KLHL33: variants seen among roughly 807,000 people sequenced by gnomAD.
KLHL33 encodes the protein kelch like family member 33, also known as kelch-like protein 33.
A neutral mutation model predicts 60.8 loss-of-function variants in KLHL33; 46 were observed. That is an observed-to-expected ratio of 0.76 (90% confidence interval 0.60 to 0.97). KLHL33 has a LOEUF of 0.97. Ranked by LOEUF, KLHL33 falls within the 50% of genes least tolerant of loss-of-function variation. The pLI is 0.00. For synonymous variants in KLHL33, 434 were observed against 432.2 expected (o/e 1.00, Z -0.05); for missense variants, 1,055 against 1,000.0 (o/e 1.05, Z -0.74).
At position 20,428,600 on chromosome 14, in the gene KLHL33, G is replaced by A. The variant is rs1032144364; in HGVS notation, c.*249C>T. On this transcript the variant is annotated 3_prime_UTR_variant, in exon 5 of 5. Coordinates refer to ENST00000636854, the MANE Select transcript of KLHL33 (RefSeq NM_001365790.2). ...TCCCTAAGAATCCCTAAGCCTTGTG[G>A]AGTTGCTCCCGAGTCTCCTTTCCTC... is the stretch of plus-strand genomic sequence containing the variant. 3 of 481,286 alleles carry A rather than the reference G, an allele frequency of 6.2e-6. No homozygotes were observed. The allele number at this position is 481,286 out of a possible 1,614,324, so 29.8% of individuals were successfully genotyped here.
In KLHL33 at chr14:20,435,046, T is replaced by C. The variant is rs1880640258; in HGVS notation, c.748+18A>G. On this transcript the variant is annotated intron_variant, in intron 2 of 4. Coordinates refer to ENST00000636854, the MANE Select transcript of KLHL33 (RefSeq NM_001365790.2). ...AGCATATGCACCTGCAGTAATTTAA[T>C]GCCCCACAGGCCCTCACCCGACAGC... The C allele has an allele frequency of 8.1e-7, 1 of 1,234,290 alleles. No homozygotes were observed. The highest frequency in any genetic ancestry group is 1.5e-5 in the African/African-American group (1 of 64,630). 76.5% of individuals were successfully genotyped at this position (1,234,290 alleles called of 1,614,324 possible).
chr14:20,431,454 T>G (rs915589767), intron 2 of KLHL33, among the ~76,000 whole-genome samples: 15 of 152,140 alleles, frequency 9.9e-5, no homozygotes, highest in African/African-American at 3.6e-4. Flanking sequence ...TGGTTGGGTG[T>G]CGTGGCACAC....
At position 20,428,924 on chromosome 14, in the gene KLHL33, G is replaced by C; in HGVS notation, c.2319C>G (p.Ala773=). 1.3e-6 allele frequency: 2 copies of C among 1,550,888 alleles called. No individual in the cohort carries two copies. The highest frequency in any genetic ancestry group is 2.4e-5 in the South Asian group (2 of 84,042). ...TLPRPRAEMP[A]CILTLPAVQH... is the part of the protein sequence containing the mutation. ...GCACAGCGGGCAGTGTCAGGATGCA[G>C]GCAGGCATCTCAGCCCGAGGCCTTG... is the stretch of plus-strand genomic sequence containing the variant. Residue 773 remains alanine, a synonymous_variant, in exon 5 of 5, where the codon GCC becomes GCG. Transcript: ENST00000636854.
chr14:20,430,292 G>A lies in KLHL33; in HGVS notation c.1176C>T (p.Leu392=), dbSNP rs990269443. ...CLAELLDSDE[L]HVQEEFEAFV... ...AGGCCTCAAACTCCTCCTGCACATG[G>A]AGCTCATCACTATCCAGGAGCTCAG... Residue 392 remains leucine (L), a synonymous_variant, in exon 3 of 5, where the codon CTC becomes CTT. Coordinates refer to ENST00000636854, the MANE Select transcript of KLHL33 (RefSeq NM_001365790.2). 6.4e-6 allele frequency: 10 copies of A among 1,551,650 alleles called. No individual in the cohort carries two copies. Among genetic ancestry groups the A allele is most frequent in the Non-Finnish European group, 7.8e-6 (9 of 1,147,006 alleles).
rs1880337065 is a variant in KLHL33 at position 20,427,741 on chromosome 14, C to A, written c.*1108G>T. 1 of 152,058 alleles carries A rather than the reference C, an allele frequency of 6.6e-6. No individual in the cohort carries two copies. The highest frequency in any genetic ancestry group is 1.9e-4 in the East Asian group (1 of 5,174). 9.4% of individuals were successfully genotyped at this position (152,058 alleles called of 1,614,324 possible). On this transcript the variant is annotated 3_prime_UTR_variant, in exon 5 of 5. Coordinates refer to ENST00000636854, the MANE Select transcript of KLHL33 (RefSeq NM_001365790.2). ...TGTATCTTGGTGCCTCCTACAGTGC[C>A]TGCCACACAGTAGGTAATTAATAAC...
At position 20,430,710 on chromosome 14, in the gene KLHL33, G is replaced by A; in HGVS notation, c.758C>T (p.Ala253Val). The A allele has an allele frequency of 6.6e-7, 1 of 1,516,886 alleles. No homozygotes were observed. Among genetic ancestry groups the A allele is most frequent in the Non-Finnish European group, 8.8e-7 (1 of 1,136,678 alleles). 94.0% of individuals were successfully genotyped at this position (1,516,886 alleles called of 1,614,324 possible). A position where few individuals can be genotyped will look rare whatever the true frequency, so the allele number is the denominator to read the frequency against. ...AGGCQLSVHR[A>V]ALACGSEFFG... ...GAACTCACTGCCACAGGCCAGGGCG[G>A]CTCGGTGCACTGCAGGAGGGGAGAA... The change falls in exon 3 of 5, where the codon GCC (alanine) becomes GTC (valine). Residue 253 changes from alanine (A) to valine (V), a missense_variant. Transcript: ENST00000636854.
Position 20,428,695 on chromosome 14 carries a change from C to G in KLHL33, c.*154G>C. 2 of 709,080 alleles carry G rather than the reference C, an allele frequency of 2.8e-6. No homozygotes were observed. The highest frequency in any genetic ancestry group is 4.7e-6 in the Non-Finnish European group (2 of 428,848). The allele number at this position is 709,080 out of a possible 1,614,324, so 43.9% of individuals were successfully genotyped here. On this transcript the variant is annotated 3_prime_UTR_variant, in exon 5 of 5. Coordinates refer to ENST00000636854, the MANE Select transcript of KLHL33 (RefSeq NM_001365790.2). ...AGGAGTTCTGGAACCACCATTTCCT[C>G]AACGGAGATCATACGTACAAAAGCA... is the stretch of plus-strand genomic sequence containing the variant.
Position 20,435,251 on chromosome 14 carries a change from C to T in KLHL33, c.561G>A (p.Ala187=). Residue 187 remains alanine (A), a synonymous_variant, in exon 2 of 5, where the codon GCG becomes GCA. Transcript: ENST00000636854. ...CAGCCTTCACCCGGGGCGCTCCCAG[C>T]GCCTCTGCTGCGGCCAGCACATCCC... ...SQGDVLAAAE[A]LGAPRVKAAA... is the part of the protein sequence containing the mutation. 1 of 1,234,448 alleles carries T rather than the reference C, an allele frequency of 8.1e-7. No individual in the cohort carries two copies. Among genetic ancestry groups the T allele is most frequent in the Non-Finnish European group, 1.0e-6 (1 of 988,220 alleles). The allele number at this position is 1,234,448 out of a possible 1,614,324, so 76.5% of individuals were successfully genotyped here.
rs746288093 is a variant in KLHL33 at position 20,429,716 on chromosome 14, G to A, written c.1674-47C>T. 335 of 1,537,272 alleles carry A rather than the reference G, an allele frequency of 2.2e-4. 1 individual carries two copies. Among genetic ancestry groups the A allele is most frequent in the Non-Finnish European group, 2.9e-4 (327 of 1,139,210 alleles). ...ATTGGAAGAGGGACTCTGGGCATCCGTGGTTGGCTAGGCCAGCAATTTCTC... is the reference window on the plus strand; with the variant it reads ...ATTGGAAGAGGGACTCTGGGCATCCATGGTTGGCTAGGCCAGCAATTTCTC... On this transcript the variant is annotated intron_variant, in intron 3 of 4. Transcript: ENST00000636854.
In KLHL33 at chr14:20,430,078, C is replaced by G. The variant is rs1016575504; in HGVS notation, c.1390G>C (p.Gly464Arg). Residue 464 changes from glycine (G) to arginine (R), a missense_variant, in exon 3 of 5, where the codon GGC (glycine) becomes CGC (arginine). Transcript: ENST00000636854. ...HQLMVEADVP[G>R]QERRREPDRA... Reference sequence around the variant, plus strand: ...TCAGGCTCCCTCCGTCTCTCTTGGCCTGGAACATCAGCCTCTACCATCAGC... The same window carrying G: ...TCAGGCTCCCTCCGTCTCTCTTGGCGTGGAACATCAGCCTCTACCATCAGC... The G allele has an allele frequency of 5.2e-6, 8 of 1,551,658 alleles. No homozygotes were observed. The highest frequency in any genetic ancestry group is 7.0e-6 in the Non-Finnish European group (8 of 1,147,030).
Position 20,429,145 on chromosome 14 carries a change from C to G in KLHL33, c.2098G>C (p.Glu700Gln). The change falls in exon 5 of 5, where the codon GAG (glutamate) becomes CAG (glutamine). Residue 700 changes from glutamate (E) to glutamine (Q), a missense_variant. Transcript: ENST00000636854. ...CTATCAGTCCTTAGTTCATAGGCCT[C>G]AAAGCTTAGCAGGTCCTCAGTCTCA... ...LGETEDLLSF[E>Q]AYELRTDSWT... is the part of the protein sequence containing the mutation. 1 of 1,551,714 alleles carries G rather than the reference C, an allele frequency of 6.4e-7. No homozygotes were observed. Among genetic ancestry groups the G allele is most frequent in the Non-Finnish European group, 8.7e-7 (1 of 1,147,000 alleles).
At chr14:20,433,127 T>C (rs963845243) in intron 2 of KLHL33, among the ~76,000 whole-genome samples, 3 of 152,196 alleles carry the variant, frequency 2.0e-5, no homozygotes, top group Non-Finnish European at 4.4e-5. Context: ...CAAATACTTA[T>C]GAGTAAAATG....
chr14:20,430,252 A>AC lies in KLHL33; in HGVS notation c.1215dup (p.Cys406ValfsTer56). 1 of 1,551,586 alleles carries AC rather than the reference A, an allele frequency of 6.4e-7. No homozygotes were observed. Among genetic ancestry groups the AC allele is most frequent in the East Asian group, 2.4e-5 (1 of 40,920 alleles). ...GTCTCGGGGTTGGCAGCCAGCCAAC[A>AC]CCGTGCAGCCACAAAGGCCTCAAAC... On this transcript the variant is annotated frameshift_variant, in exon 3 of 5. Coordinates refer to ENST00000636854, the MANE Select transcript of KLHL33 (RefSeq NM_001365790.2). LOFTEE classifies it high-confidence loss of function.
chr14:20,428,793 CCTT>C lies in KLHL33; in HGVS notation c.*53_*55del, dbSNP rs1445079743. On this transcript the variant is annotated 3_prime_UTR_variant, in exon 5 of 5. Transcript: ENST00000636854. ...TCTTTTCACTCCCCACAATCTCTGT[CCTT>C]CTCTCAGGCTATTTCTTATGCCCTC... 4.3e-6 allele frequency: 6 copies of C among 1,406,986 alleles called. No homozygotes were observed. Among genetic ancestry groups the C allele is most frequent in the Non-Finnish European group, 5.8e-6 (6 of 1,033,548 alleles). The allele number at this position is 1,406,986 out of a possible 1,614,324, so 87.2% of individuals were successfully genotyped here. A position where few individuals can be genotyped will look rare whatever the true frequency, so the allele number is the denominator to read the frequency against.
Position 20,430,499 on chromosome 14 carries a change from C to T in KLHL33, c.969G>A (p.Leu323=), listed in dbSNP as rs375147055. 44 of 1,549,666 alleles carry T rather than the reference C, an allele frequency of 2.8e-5. No individual in the cohort carries two copies. The highest frequency in any genetic ancestry group is 1.7e-4 in the Middle Eastern group (1 of 6,014). Residue 323 remains leucine (L), a synonymous_variant, in exon 3 of 5, where the codon TTG becomes TTA. Transcript: ENST00000636854. Reference sequence around the variant, plus strand: ...GTGCCAAGCCTTTCTGACACAAATCCAAGCAGGAAGAGCTCTGGTACTGCA... The same window carrying T: ...GTGCCAAGCCTTTCTGACACAAATCTAAGCAGGAAGAGCTCTGGTACTGCA... ...AALQYQSSSC[L]DLCQKGLARG... is the part of the protein sequence containing the mutation.
intron 2 of KLHL33, among the ~76,000 whole-genome samples, chr14:20,432,264 G>A (rs1056877821): frequency 3.1e-4 from 47 of 151,948 alleles, no homozygotes; most frequent in African/African-American, 1.1e-3. Context: ...ACAGGTGCAC[G>A]CTACCATGCC....
rs2076975233 is a variant in KLHL33, at chr14:20,435,779, A to G, written c.33T>C (p.Pro11=). MSVSDTPHYP[P]ELESVSHPVQ... is the part of the protein sequence containing the mutation. Reference sequence around the variant, plus strand: ...CGGGATGAGAGACACTCTCCAGCTCAGGGGGATAATGTGGGGTGTCCGAGA... The same window carrying G: ...CGGGATGAGAGACACTCTCCAGCTCGGGGGGATAATGTGGGGTGTCCGAGA... The change falls in exon 2 of 5, where the codon CCT becomes CCC. Residue 11 remains proline, a synonymous_variant. Transcript: ENST00000636854. 8.1e-6 allele frequency: 10 copies of G among 1,234,426 alleles called. No homozygotes were observed. The South Asian group carries it at 3.7e-4, about 45-fold the overall frequency. The allele number at this position is 1,234,426 out of a possible 1,614,324, so 76.5% of individuals were successfully genotyped here.
At position 20,429,116 on chromosome 14, in the gene KLHL33, C is replaced by A; in HGVS notation, c.2127G>T (p.Trp709Cys). Reference sequence around the variant, plus strand: ...GGGAGGGTAGGGGTGCCAGGTGAGTCCAGCTATCAGTCCTTAGTTCATAGG... The same window carrying A: ...GGGAGGGTAGGGGTGCCAGGTGAGTACAGCTATCAGTCCTTAGTTCATAGG... ...FEAYELRTDSWTHLAPLPSPH... is the reference protein window; with the variant it reads ...FEAYELRTDSCTHLAPLPSPH... Residue 709 changes from tryptophan to cysteine, a missense_variant, in exon 5 of 5, where the codon TGG (tryptophan) becomes TGT (cysteine). Trp to Cys is a radical substitution (Grantham distance 215, BLOSUM62 -2). Coordinates refer to ENST00000636854, the MANE Select transcript of KLHL33 (RefSeq NM_001365790.2). The A allele has an allele frequency of 1.3e-6, 2 of 1,551,628 alleles. No homozygotes were observed. Among genetic ancestry groups the A allele is most frequent in the African/African-American group, 1.4e-5 (1 of 73,170 alleles).
chr14:20,431,179 T>C (rs1458453328), intron 2 of KLHL33, among the ~76,000 whole-genome samples: 1 of 152,142 alleles, frequency 6.6e-6, no homozygotes, highest in African/African-American at 2.4e-5. Context: ...CAAAATAAAA[T>C]TCTTTACAAT....
Sources: gnomAD v4.1 joint callset for allele counts (sites outside exome capture counted in the v4.1 genomes callset) on GRCh38, gnomAD v4.1.1 for gene constraint, MANE v1.5 for transcripts, NCBI Gene and HGNC (gene_info 2026-07-23, HGNC 2026-07-21) for gene names.